SCFD2: variants seen among roughly 807,000 people sequenced by gnomAD.
SCFD2 encodes the protein sec1 family domain containing 2.
In SCFD2, 54 loss-of-function variants were observed where a neutral mutation model predicts 58.9. The observed-to-expected ratio is 0.92, with a 90% CI of 0.74 to 1.15. The LOEUF (loss-of-function observed/expected upper bound fraction) is 1.15. Ranked by LOEUF, SCFD2 falls within the 50% of genes most tolerant of loss-of-function variation. SCFD2 has a pLI of 0.00. For missense variants in SCFD2, 805 were observed against 836.6 expected, an observed-to-expected ratio of 0.96 and a Z score of 0.47; for synonymous variants, 321 against 335.9, an observed-to-expected ratio of 0.96 and a Z score of 0.49.
chr4:53,083,386 T>C (rs1724206915), intron 5 of SCFD2, among the ~76,000 whole-genome samples: 1 of 152,030 alleles, frequency 6.6e-6, no homozygotes, highest in South Asian at 2.1e-4. Flanking sequence ...GGAAAACTAA[T>C]ACCAGTCCTA....
chr4:53,168,846 ATTC>A (rs1727091392), intron 4 of SCFD2, among the ~76,000 whole-genome samples: 1 of 152,216 alleles, frequency 6.6e-6, no homozygotes, highest in African/African-American at 2.4e-5. Context: ...CAAAAAACAT[ATTC>A]TTCCTGTCTA....
chr4:53,315,246 C>CAAAA (rs72060767), intron 2 of SCFD2, among the ~76,000 whole-genome samples: 1 of 79,586 alleles, frequency 1.3e-5, no homozygotes, highest in East Asian at 3.9e-4. Flanking sequence ...AGGAAAATGG[C>CAAAA]AAAAAAAAAA....
intron 4 of SCFD2, among the ~76,000 whole-genome samples, chr4:53,238,210 C>T (rs1577879973): frequency 1.5e-5 from 2 of 136,760 alleles, no homozygotes; most frequent in South Asian, 2.4e-4. Context: ...CCGGACGGGG[C>T]GGCTGGCCGG....
At chr4:52,926,984 C>A (rs1719878507) in intron 5 of SCFD2, among the ~76,000 whole-genome samples, 1 of 152,150 alleles carries the variant, frequency 6.6e-6, no homozygotes, top group Admixed American at 6.5e-5. Context: ...ATCAAATAAA[C>A]CTTAGCAAGT....
intron 7 of SCFD2, among the ~76,000 whole-genome samples, chr4:52,894,394 A>G (rs544484300): frequency 4.6e-5 from 7 of 152,240 alleles, no homozygotes; most frequent in Admixed American, 1.3e-4. Flanking sequence ...CATATGGAGT[A>G]GATAGAAAAT....
At chr4:52,902,812 A>C (rs1240094581) in intron 7 of SCFD2, among the ~76,000 whole-genome samples, 1 of 152,208 alleles carries the variant, frequency 6.6e-6, no homozygotes, top group Non-Finnish European at 1.5e-5. Flanking sequence ...TAAACGGTGG[A>C]GCTTGGGTTC....
chr4:53,006,929 T>C (rs1423389130), intron 5 of SCFD2, among the ~76,000 whole-genome samples: 1 of 152,046 alleles, frequency 6.6e-6, no homozygotes, highest in Non-Finnish European at 1.5e-5. Context: ...CTGTGGCCTA[T>C]GGATCCCAAC....
intron 4 of SCFD2, among the ~76,000 whole-genome samples, chr4:53,167,049 T>C (rs1421474290): frequency 6.6e-6 from 1 of 152,204 alleles, no homozygotes; most frequent in Admixed American, 6.5e-5. Flanking sequence ...CAGATAAACC[T>C]TTCTAACCTG....
chr4:53,150,391 C>T (rs1157354903), intron 4 of SCFD2, among the ~76,000 whole-genome samples: 9 of 152,172 alleles, frequency 5.9e-5, no homozygotes, highest in African/African-American at 1.7e-4. Context: ...AAGGAGAACC[C>T]TGTGCCACTT....
rs186493350 is a variant in SCFD2, at chr4:53,035,787, C to G, written c.1561+109546G>C. On this transcript the variant is annotated intron_variant, in intron 5 of 8. Coordinates refer to ENST00000401642, the MANE Select transcript of SCFD2 (RefSeq NM_152540.4). Reference sequence around the variant, plus strand: ...AAAACCACAATGAGATACCATCTCACGCCAGCTAGAATGGCGATCATTAAA... The same window carrying G: ...AAAACCACAATGAGATACCATCTCAGGCCAGCTAGAATGGCGATCATTAAA... Among the ~76,000 whole-genome samples the G allele has an allele frequency of 2.4e-4, 37 of 152,250 alleles. No individual in the cohort carries two copies. The East Asian group carries it at 6.8e-3, about 28-fold the overall frequency.
chr4:52,918,395 C>T lies in SCFD2; in HGVS notation c.1707+2330G>A, dbSNP rs1416963253. ...CTAAGCATCCACTATGTGACAGATG[C>T]CACTCTAGGTACTGGGGATACGGCA... On this transcript the variant is annotated intron_variant, in intron 6 of 8. Coordinates refer to ENST00000401642, the MANE Select transcript of SCFD2 (RefSeq NM_152540.4). 2.0e-5 allele frequency among the ~76,000 whole-genome samples: 3 copies of T among 152,108 alleles called. No individual in the cohort carries two copies. In the East Asian group the frequency reaches 5.8e-4, roughly 29 times the overall value.
At chr4:52,896,836 C>T (rs150454620) in intron 7 of SCFD2, among the ~76,000 whole-genome samples, 2,168 of 152,206 alleles carry the variant, frequency 0.014, 57 homozygotes, top group African/African-American at 0.049. Context: ...TTTTATTTCA[C>T]TGAGCAGTGG....
chr4:53,202,624 C>A (rs1286925506), intron 4 of SCFD2, among the ~76,000 whole-genome samples: 1 of 152,134 alleles, frequency 6.6e-6, no homozygotes, highest in Non-Finnish European at 1.5e-5. Context: ...GGCAGTATGG[C>A]CATTTTCACG....
chr4:53,209,454 T>G (rs1372793436), intron 4 of SCFD2, among the ~76,000 whole-genome samples: 2 of 152,154 alleles, frequency 1.3e-5, no homozygotes, highest in African/African-American at 4.8e-5. Flanking sequence ...GATCAGTTCC[T>G]CTTGGAATAT....
intron 4 of SCFD2, among the ~76,000 whole-genome samples, chr4:53,230,321 ATGTATG>A (rs766143790): frequency 2.0e-5 from 3 of 152,172 alleles, no homozygotes; most frequent in Admixed American, 1.3e-4. Context: ...ACACATGCAC[ATGTATG>A]TTTATTGCGG....
At position 53,145,370 on chromosome 4, in the gene SCFD2, C is replaced by G. The variant is rs1189656131; in HGVS notation, c.1524G>C (p.Glu508Asp). 6.2e-7 allele frequency: 1 copy of G among 1,614,174 alleles called. No homozygotes were observed. Among genetic ancestry groups the G allele is most frequent in the South Asian group, 1.1e-5 (1 of 91,078 alleles). The change falls in exon 5 of 9, where the codon GAG (glutamate) becomes GAC (aspartate). Residue 508 changes from glutamate to aspartate, a missense_variant. Physicochemically the swap from Glu to Asp is conservative, Grantham distance 45. This residue lies in a region of SCFD2 where 633 missense variants were observed against 646.8 expected (regional missense o/e 0.98). Transcript: ENST00000401642. ...GCAGCAAAGGTGACAATCCAGATTCCTCACAGAAGACCTGAGCCAATGCTT... is the reference window on the plus strand; with the variant it reads ...GCAGCAAAGGTGACAATCCAGATTCGTCACAGAAGACCTGAGCCAATGCTT... The part of the protein sequence containing the change: ...VKKALAQVFC[E>D]ESGLSPLLQK...
At chr4:53,315,118 T>G (rs1732818062) in intron 2 of SCFD2, among the ~76,000 whole-genome samples, 1 of 151,896 alleles carries the variant, frequency 6.6e-6, no homozygotes, top group South Asian at 2.1e-4. Context: ...TATGCAAGCA[T>G]AATCCTAGCT....
chr4:53,203,935 G>C (rs1728329229), intron 4 of SCFD2, among the ~76,000 whole-genome samples: 1 of 152,102 alleles, frequency 6.6e-6, no homozygotes, highest in Non-Finnish European at 1.5e-5. Context: ...CAAAACTTGA[G>C]AATTATTAAC....
chr4:52,923,356 T>C (rs973702084), intron 5 of SCFD2, among the ~76,000 whole-genome samples: 1 of 152,010 alleles, frequency 6.6e-6, no homozygotes, highest in African/African-American at 2.4e-5. Context: ...AGGCCGCGTA[T>C]AATCCGAGCT....
Sources: gnomAD v4.1 joint callset for allele counts (sites outside exome capture counted in the v4.1 genomes callset) on GRCh38, gnomAD v4.1.1 for gene constraint, gnomAD v4.1.1 regional missense constraint, MANE v1.5 for transcripts, NCBI Gene and HGNC (gene_info 2026-07-23, HGNC 2026-07-21) for gene names.